ATP8B1: variants seen among roughly 807,000 people sequenced by gnomAD.
ATP8B1 encodes the protein phospholipid-transporting ATPase IC.
Under a neutral mutation model 149.9 loss-of-function variants are expected in ATP8B1, and 80 were observed. The observed-to-expected ratio is 0.53, with a 90% CI of 0.45 to 0.64. The LOEUF is 0.64. ATP8B1 is among the 30% of genes least tolerant of loss of function. The pLI is 0.00. For synonymous variants in ATP8B1, 536 were observed against 562.8 expected, an observed-to-expected ratio of 0.95 and a Z score of 0.67; for missense variants, 1,247 against 1,552.6, an observed-to-expected ratio of 0.80 and a Z score of 3.31.
At chr18:57,797,856 G>A (rs2080531219) in intron 1 of ATP8B1, among the ~76,000 whole-genome samples, 1 of 151,870 alleles carries the variant, frequency 6.6e-6, no homozygotes, top group African/African-American at 2.4e-5. Context: ...ACGGGCGCAT[G>A]CCACCACACC....
chr18:57,704,741 C>G, intron 3 of ATP8B1, 73 bp from the exon 4 acceptor site: 1 of 907,326 alleles, frequency 1.1e-6, no homozygotes, highest in Non-Finnish European at 1.8e-6. Flanking sequence ...GCAAAAGTCA[C>G]AAGTCCCACA....
chr18:57,675,816 C>G (rs1911549946), intron 15 of ATP8B1, among the ~76,000 whole-genome samples: 1 of 152,198 alleles, frequency 6.6e-6, no homozygotes, highest in Non-Finnish European at 1.5e-5. Context: ...AGTGATCCTC[C>G]TACCTCATCT....
chr18:57,650,438 C>A lies in ATP8B1; in HGVS notation c.3460G>T (p.Ala1154Ser), dbSNP rs768445953. The A allele has an allele frequency of 6.2e-6, 10 of 1,613,880 alleles. No individual in the cohort carries two copies. The highest frequency in any genetic ancestry group is 8.5e-6 in the Non-Finnish European group (10 of 1,179,924). Residue 1154 changes from alanine (A) to serine (S), a missense_variant, in exon 27 of 28, where the codon GCT becomes TCT. This residue lies in a region of ATP8B1 where 164 missense variants were observed against 160.3 expected (regional missense o/e 1.02). Coordinates refer to ENST00000648908, the MANE Select transcript of ATP8B1 (RefSeq NM_001374385.1). ...YIWLTIILAVAVCLLPVVAIR... is the reference protein window; with the variant it reads ...YIWLTIILAVSVCLLPVVAIR... ...GCAACGACGGGTAGTAAGCACACAG[C>A]AACAGCCAGGATGATAGTTAACCAA...
chr18:57,802,422 A>G lies in ATP8B1; in HGVS notation c.-26+576T>C, dbSNP rs1225832487. Among the ~76,000 whole-genome samples the G allele has an allele frequency of 6.6e-6, 1 of 152,138 alleles. No homozygotes were observed. The highest frequency in any genetic ancestry group is 1.9e-4 in the East Asian group (1 of 5,168). On this transcript the variant is annotated intron_variant, in intron 1 of 27. Coordinates refer to ENST00000648908, the MANE Select transcript of ATP8B1 (RefSeq NM_001374385.1). This position sits in a 1 kb window ranked among gnomAD's most constrained non-coding sequence, Gnocchi z 4.9. ...CCCATCCCACAATAAAGCGCACGGA[A>G]GATGTCTGGGAGTACCTGGCCCTGC...
chr18:57,664,124 A>C (rs317849), intron 20 of ATP8B1, among the ~76,000 whole-genome samples: 2 of 148,562 alleles, frequency 1.3e-5, no homozygotes, highest in Non-Finnish European at 3.0e-5. Context: ...GTCTCGATTC[A>C]TCCACCATGG....
intron 2 of ATP8B1, among the ~76,000 whole-genome samples, chr18:57,712,463 C>G (rs909657949): frequency 1.3e-5 from 2 of 152,160 alleles, no homozygotes; most frequent in African/African-American, 2.4e-5. Context: ...TTTAGACCAG[C>G]CCTAGCCAGA....
chr18:57,699,597 G>A (rs1274513495), intron 6 of ATP8B1, among the ~76,000 whole-genome samples: 5 of 152,020 alleles, frequency 3.3e-5, no homozygotes, highest in South Asian at 4.1e-4. Flanking sequence ...AGTGGCGGGC[G>A]CCTGTAGTCC....
At chr18:57,661,028 G>T (rs1452448492) in intron 22 of ATP8B1, 146 bp downstream of exon 22, 2 of 1,139,146 alleles carry the variant, frequency 1.8e-6, no homozygotes, top group Non-Finnish European at 2.5e-6. Context: ...CACAGGCGTT[G>T]TCATGGTTAA....
At chr18:57,649,803 G>A (rs1909484670) in intron 27 of ATP8B1, among the ~76,000 whole-genome samples, 2 of 152,178 alleles carry the variant, frequency 1.3e-5, no homozygotes, top group Non-Finnish European at 2.9e-5. Flanking sequence ...AGGTCAGGAA[G>A]TGATACCCAG....
At chr18:57,687,520 G>T (rs904952488) in intron 13 of ATP8B1, among the ~76,000 whole-genome samples, 10 of 152,080 alleles carry the variant, frequency 6.6e-5, no homozygotes, top group African/African-American at 2.4e-4. Flanking sequence ...ACGAGTTCAG[G>T]TTCATCTGTG....
At chr18:57,700,345 GC>G (rs1913057621) in intron 6 of ATP8B1, among the ~76,000 whole-genome samples, 1 of 151,796 alleles carries the variant, frequency 6.6e-6, no homozygotes, top group Non-Finnish European at 1.5e-5. Context: ...GTCATTTTTG[GC>G]CATAAATGAA....
At chr18:57,767,525 T>A (rs1426436469) in intron 1 of ATP8B1, among the ~76,000 whole-genome samples, 1 of 152,130 alleles carries the variant, frequency 6.6e-6, no homozygotes, top group African/African-American at 2.4e-5. Context: ...CGGTGGCTCA[T>A]GCCTGTAATG....
At chr18:57,708,264 C>T (rs1913517889) in intron 2 of ATP8B1, among the ~76,000 whole-genome samples, 1 of 150,042 alleles carries the variant, frequency 6.7e-6, no homozygotes, top group Non-Finnish European at 1.5e-5. Flanking sequence ...GAACATTTTT[C>T]TCGCATCATT....
intron 1 of ATP8B1, among the ~76,000 whole-genome samples, chr18:57,751,819 C>T (rs1413640998): frequency 6.6e-6 from 1 of 152,104 alleles, no homozygotes; most frequent in Non-Finnish European, 1.5e-5. Context: ...GATGTAATGT[C>T]TTTATCATTT....
intron 15 of ATP8B1, among the ~76,000 whole-genome samples, chr18:57,682,095 G>A (rs1397159648): frequency 6.6e-6 from 1 of 150,870 alleles, no homozygotes; most frequent in Non-Finnish European, 1.5e-5. Flanking sequence ...ACCTCTGCCT[G>A]CCAGGTTCAA....
At chr18:57,760,234 T>C (rs1203640048) in intron 1 of ATP8B1, among the ~76,000 whole-genome samples, 3 of 152,212 alleles carry the variant, frequency 2.0e-5, no homozygotes, top group African/African-American at 7.2e-5. Context: ...AAAGATGAAT[T>C]CAGTACAATA....
chr18:57,697,886 G>C lies in ATP8B1; in HGVS notation c.555-19C>G, dbSNP rs1358438561. ...TTTGAACCTAAGGATTAAAAATAATGAGGATTTATTGACATTTTAAGTTAC... is the reference window on the plus strand; with the variant it reads ...TTTGAACCTAAGGATTAAAAATAATCAGGATTTATTGACATTTTAAGTTAC... On this transcript the variant is annotated intron_variant, in intron 6 of 27. Transcript: ENST00000648908. The C allele has an allele frequency of 1.3e-6, 2 of 1,588,458 alleles. No individual in the cohort carries two copies. The highest frequency in any genetic ancestry group is 8.6e-7 in the Non-Finnish European group (1 of 1,157,296).
chr18:57,796,926 C>T (rs2080520894), intron 1 of ATP8B1, among the ~76,000 whole-genome samples: 1 of 152,212 alleles, frequency 6.6e-6, no homozygotes, highest in African/African-American at 2.4e-5. Context: ...GCTGGGATTA[C>T]AGGTGTTAGC....
chr18:57,755,190 C>A (rs1227707724), intron 1 of ATP8B1, among the ~76,000 whole-genome samples: 1 of 152,112 alleles, frequency 6.6e-6, no homozygotes. Flanking sequence ...CATTGGAGAA[C>A]CCGGGGCTGA....
Sources: gnomAD v4.1 joint callset for allele counts (sites outside exome capture counted in the v4.1 genomes callset) on GRCh38, gnomAD v4.1.1 for gene constraint, gnomAD v4.1.1 regional missense constraint, Gnocchi (gnomAD v3.1) non-coding constraint, MANE v1.5 for transcripts, NCBI Gene and HGNC (gene_info 2026-07-23, HGNC 2026-07-21) for gene names.